The following OPCML variants were observed in gnomAD, a reference collection of about 807,000 sequenced individuals.
OPCML encodes the protein opioid-binding protein/cell adhesion molecule.
In OPCML, 13 loss-of-function variants were observed where a neutral mutation model predicts 37.8. That is an observed-to-expected ratio of 0.34 (90% CI 0.22 to 0.55). The LOEUF is 0.55. Among genes scored for constraint, OPCML ranks in the 20% least tolerant of loss-of-function variants. The pLI is 0.91. For missense variants in OPCML, 341 were observed against 435.6 expected, an observed-to-expected ratio of 0.78 and a Z score of 1.93; for synonymous variants, 176 against 168.8, an observed-to-expected ratio of 1.04 and a Z score of -0.33.
intron 2 of OPCML, among the ~76,000 whole-genome samples, chr11:132,802,296 C>T: frequency 6.6e-6 from 1 of 152,174 alleles, no homozygotes; most frequent in East Asian, 1.9e-4. Context: ...CATGCCAACC[C>T]TTCCCCACAA....
chr11:133,040,913 G>C (rs999474333), intron 1 of OPCML, among the ~76,000 whole-genome samples: 1 of 152,192 alleles, frequency 6.6e-6, no homozygotes, highest in Non-Finnish European at 1.5e-5. Flanking sequence ...ATAATACAAA[G>C]AGCTGAATGT....
rs140114052 is a variant in OPCML, at chr11:132,923,948, A to C, written c.146+18978T>G. Among the ~76,000 whole-genome samples, 1,160 of 151,638 alleles carry C rather than the reference A, an allele frequency of 7.6e-3. 11 individuals are homozygous for C. Among genetic ancestry groups the C allele is most frequent in the African/African-American group, 0.027 (1,102 of 41,320 alleles). On this transcript the variant is annotated intron_variant, in intron 2 of 7. Coordinates refer to ENST00000524381, the MANE Select transcript of OPCML (RefSeq NM_001012393.5). Reference sequence around the variant, plus strand: ...CCAGCTAATTTTGTATCTTTAGGAGAGATGGAGTTTCTCCATGTTGGTCAG... The same window carrying C: ...CCAGCTAATTTTGTATCTTTAGGAGCGATGGAGTTTCTCCATGTTGGTCAG...
intron 2 of OPCML, among the ~76,000 whole-genome samples, chr11:132,851,489 G>A (rs532486280): frequency 1.4e-4 from 22 of 152,088 alleles, no homozygotes; most frequent in Non-Finnish European, 2.9e-4. Flanking sequence ...TCCCAAACAG[G>A]TTTCCCTGCC....
At chr11:132,808,365 G>T (rs764227340) in intron 2 of OPCML, among the ~76,000 whole-genome samples, 3 of 152,344 alleles carry the variant, frequency 2.0e-5, no homozygotes, top group Admixed American at 6.5e-5. Context: ...ATTCCTGGCA[G>T]TGGGAACAGA....
At chr11:132,463,548 G>A (rs1194983582) in intron 4 of OPCML, among the ~76,000 whole-genome samples, 4 of 152,192 alleles carry the variant, frequency 2.6e-5, no homozygotes, top group Non-Finnish European at 4.4e-5. Flanking sequence ...CATCACCCTT[G>A]AGAAGCCCTG....
chr11:133,414,459 C>T (rs967821178), intron 1 of OPCML, among the ~76,000 whole-genome samples: 5 of 152,158 alleles, frequency 3.3e-5, no homozygotes, highest in Non-Finnish European at 5.9e-5. Context: ...ATTCTCCCAT[C>T]ATGTATCAGA....
intron 2 of OPCML, among the ~76,000 whole-genome samples, chr11:132,711,248 G>T (rs1259808895): frequency 6.6e-6 from 1 of 152,170 alleles, no homozygotes; most frequent in East Asian, 1.9e-4. Context: ...CGCAAGCGAG[G>T]ACACTCAATT....
At chr11:132,644,625 C>T (rs1941051385) in intron 3 of OPCML, among the ~76,000 whole-genome samples, 1 of 152,128 alleles carries the variant, frequency 6.6e-6, no homozygotes, top group South Asian at 2.1e-4. Flanking sequence ...TAAATTAAAT[C>T]CAAGATCCCT....
At chr11:133,278,325 T>A (rs1051343301) in intron 1 of OPCML, among the ~76,000 whole-genome samples, 1 of 152,128 alleles carries the variant, frequency 6.6e-6, no homozygotes, top group Non-Finnish European at 1.5e-5. Flanking sequence ...CTTTTTCTTT[T>A]TTAGGGGGGG....
At chr11:133,051,688 C>T (rs1409753754) in intron 1 of OPCML, among the ~76,000 whole-genome samples, 1 of 152,172 alleles carries the variant, frequency 6.6e-6, no homozygotes, top group African/African-American at 2.4e-5. Flanking sequence ...TTCTTGTAAG[C>T]CTCTCCCCAC....
intron 3 of OPCML, among the ~76,000 whole-genome samples, chr11:132,645,333 C>A (rs561758346): frequency 6.6e-6 from 1 of 152,334 alleles, no homozygotes; most frequent in East Asian, 1.9e-4. Context: ...ATATCTCCCC[C>A]ACTAAGCTGC....
chr11:133,493,660 G>A (rs1361772022), intron 1 of OPCML, among the ~76,000 whole-genome samples: 1 of 151,878 alleles, frequency 6.6e-6, no homozygotes, highest in Non-Finnish European at 1.5e-5. Flanking sequence ...CATCATTGCA[G>A]TCATCTTAAT....
intron 1 of OPCML, among the ~76,000 whole-genome samples, chr11:133,472,637 C>A (rs1201834351): frequency 1.3e-5 from 2 of 151,744 alleles, no homozygotes; most frequent in Non-Finnish European, 2.9e-5. Context: ...GCTGAGACTG[C>A]CAGCAGAGCC....
intron 1 of OPCML, among the ~76,000 whole-genome samples, chr11:133,278,217 C>G (rs1942046169): frequency 6.6e-6 from 1 of 152,114 alleles, no homozygotes; most frequent in Non-Finnish European, 1.5e-5. Context: ...GAGAGTGACA[C>G]CATGAGTACT....
At chr11:133,176,337 CTTTT>C (rs3049633) in intron 1 of OPCML, among the ~76,000 whole-genome samples, 1 of 140,032 alleles carries the variant, frequency 7.1e-6, no homozygotes. Context: ...CTTCATTTTC[CTTTT>C]TTTTTTTTTT....
intron 1 of OPCML, among the ~76,000 whole-genome samples, chr11:133,499,464 G>T (rs4937783): frequency 2.0e-5 from 3 of 151,920 alleles, no homozygotes; most frequent in Non-Finnish European, 2.9e-5. Flanking sequence ...CCCCTCCTGT[G>T]GGGGAGAAAT....
At chr11:133,430,695 A>G (rs574568147) in intron 1 of OPCML, among the ~76,000 whole-genome samples, 18 of 152,368 alleles carry the variant, frequency 1.2e-4, no homozygotes, top group South Asian at 2.1e-4. Flanking sequence ...ACACCAAGGG[A>G]AAGTTCAGCA....
chr11:132,993,182 G>T (rs1276506881), intron 1 of OPCML, among the ~76,000 whole-genome samples: 2 of 152,162 alleles, frequency 1.3e-5, no homozygotes, highest in Non-Finnish European at 2.9e-5. Flanking sequence ...GGACGTGCAT[G>T]TCTATGTACG....
At chr11:133,090,913 TTCA>T (rs1948895733) in intron 1 of OPCML, among the ~76,000 whole-genome samples, 2 of 152,300 alleles carry the variant, frequency 1.3e-5, no homozygotes, top group South Asian at 4.1e-4. Flanking sequence ...CTAGATGCTA[TTCA>T]TCAAGTCAAT....
Sources: allele counts gnomAD v4.1 joint callset (sites outside exome capture counted in the v4.1 genomes callset), GRCh38; gene constraint gnomAD v4.1.1; transcripts MANE v1.5; gene names NCBI Gene and HGNC (gene_info 2026-07-23, HGNC 2026-07-21).